SMG9: variants seen among roughly 807,000 people sequenced by gnomAD.
SMG9 encodes the protein nonsense-mediated mRNA decay factor SMG9.
In SMG9, 55 loss-of-function variants were observed where a neutral mutation model predicts 64.0. The ratio of observed to expected loss-of-function variants is 0.86; its 90% CI spans 0.69 to 1.08. The LOEUF is 1.08. Among genes scored for constraint, SMG9 ranks in the 50% least tolerant of loss-of-function variants. SMG9 has a pLI of 0.00. For synonymous variants in SMG9, 244 were observed against 254.8 expected (o/e 0.96, Z 0.41); for missense variants, 554 against 681.3 (o/e 0.81, Z 2.08).
chr19:43,728,894 T>C lies in SMG9; in HGVS notation c.*2702A>G. On this transcript the variant is annotated 3_prime_UTR_variant, in exon 14 of 14. Transcript: ENST00000270066. ...ATTGAAAAGCGTGAGTTCCACCTGC[T>C]GGGAATGATGAAGGGACTGGAGAGC... 2.8e-6 allele frequency: 2 copies of C among 714,806 alleles called. No homozygotes were observed. Among genetic ancestry groups the C allele is most frequent in the Non-Finnish European group, 3.4e-6 (2 of 582,750 alleles). The allele number at this position is 714,806 out of a possible 1,614,324, so 44.3% of individuals were successfully genotyped here.
Position 43,747,759 on chromosome 19 carries a change from T to C in SMG9, c.364A>G (p.Thr122Ala). The C allele has an allele frequency of 6.2e-7, 1 of 1,609,318 alleles. No individual in the cohort carries two copies. The highest frequency in any genetic ancestry group is 1.1e-5 in the South Asian group (1 of 90,470). ...GGGGCTGCAGGGGGTGGTGGGGCGGTGCCCTCAGGGGTAGAGGCACCTGTC... is the reference window on the plus strand; with the variant it reads ...GGGGCTGCAGGGGGTGGTGGGGCGGCGCCCTCAGGGGTAGAGGCACCTGTC... ...AVTGASTPEG[T>A]APPPPAAPAP... The change falls in exon 4 of 14, where the codon ACC becomes GCC. Residue 122 changes from threonine (T) to alanine (A), a missense_variant. Physicochemically the swap from Thr to Ala is moderately conservative, Grantham distance 58. Coordinates refer to ENST00000270066, the MANE Select transcript of SMG9 (RefSeq NM_019108.4).
In SMG9 at chr19:43,728,309, G is replaced by A. The variant is rs1968365866; in HGVS notation, c.*3287C>T. The A allele has an allele frequency of 6.6e-6, 1 of 152,096 alleles. No individual in the cohort carries two copies. The highest frequency in any genetic ancestry group is 1.5e-5 in the Non-Finnish European group (1 of 68,182). The allele number at this position is 152,096 out of a possible 1,614,324, so 9.4% of individuals were successfully genotyped here. A position where few individuals can be genotyped will look rare whatever the true frequency, so the allele number is the denominator to read the frequency against. On this transcript the variant is annotated 3_prime_UTR_variant, in exon 14 of 14. Coordinates refer to ENST00000270066, the MANE Select transcript of SMG9 (RefSeq NM_019108.4). ...TTGTAAGAGCTCGTGGTTTCAAAGT[G>A]TGTGCCACCTGCCCCCTCTTGCTCC... is the stretch of plus-strand genomic sequence containing the variant.
At chr19:43,750,864 G>T in intron 1 of SMG9, 117 bp from the exon 2 acceptor site, 3 of 960,046 alleles carry the variant, frequency 3.1e-6, no homozygotes, top group Non-Finnish European at 3.0e-6. Context: ...TCTCTCTGTC[G>T]CCCAGGCTGG....
intron 6 of SMG9, among the ~76,000 whole-genome samples, chr19:43,742,810 G>T (rs941368822): frequency 1.3e-5 from 2 of 152,132 alleles, no homozygotes; most frequent in African/African-American, 2.4e-5. Flanking sequence ...TAGCAGGAAG[G>T]CCAGGCACGG....
intron 1 of SMG9, among the ~76,000 whole-genome samples, chr19:43,752,152 G>C (rs896448349): frequency 6.6e-6 from 1 of 152,196 alleles, no homozygotes; most frequent in Non-Finnish European, 1.5e-5. Flanking sequence ...CTACATTTCA[G>C]TGTCTGTCTG....
At chr19:43,740,372 G>A (rs1002963897) in intron 6 of SMG9, among the ~76,000 whole-genome samples, 154 bp from the exon 7 acceptor site, 5 of 152,026 alleles carry the variant, frequency 3.3e-5, no homozygotes, top group East Asian at 3.9e-4. Flanking sequence ...GGTGGGAGGC[G>A]GGGGTAGTGC....
chr19:43,753,481 G>C (rs1262618174), intron 1 of SMG9, among the ~76,000 whole-genome samples: 1 of 40,274 alleles, frequency 2.5e-5, no homozygotes, highest in African/African-American at 1.0e-4. Context: ...TTTTTTTTTT[G>C]AGACGGTCTT....
rs1467381980 is a variant in SMG9 at position 43,734,477 on chromosome 19, C to G, written c.1014G>C (p.Glu338Asp). Residue 338 changes from glutamate to aspartate, a missense_variant, in exon 10 of 14, where the codon GAG becomes GAC. Transcript: ENST00000270066. Reference protein sequence around the residue: ...LSLYRFLQTAEMVKPSTPSPS... With the variant: ...LSLYRFLQTADMVKPSTPSPS... ...GGGATGGGGTGGAGGGCTTCACCAT[C>G]TCTGCTGTCTGCAGGAACCTTGGGG... 30 of 1,558,942 alleles carry G rather than the reference C, an allele frequency of 1.9e-5. No homozygotes were observed. The highest frequency in any genetic ancestry group is 2.5e-5 in the Non-Finnish European group (29 of 1,151,018).
rs576685510 is a variant in SMG9, at chr19:43,731,299, C to T, written c.*297G>A. 6.1e-5 allele frequency: 72 copies of T among 1,187,426 alleles called. 1 individual carries two copies. The highest frequency in any genetic ancestry group is 1.3e-4 in the Admixed American group (3 of 23,108). The allele number at this position is 1,187,426 out of a possible 1,614,324, so 73.6% of individuals were successfully genotyped here. On this transcript the variant is annotated 3_prime_UTR_variant, in exon 14 of 14. Transcript: ENST00000270066. ...TGAAAAAGGAGGTCAAGATGGAGCC[C>T]GGGCTTCCTGGTGACCATTCAGACT...
chr19:43,744,596 C>A (rs899929698), intron 6 of SMG9, among the ~76,000 whole-genome samples, 176 bp downstream of exon 6: 1 of 152,128 alleles, frequency 6.6e-6, no homozygotes, highest in African/African-American at 2.4e-5. Context: ...CTTGGAGCTA[C>A]ACAGATTTAG....
intron 7 of SMG9, among the ~76,000 whole-genome samples, chr19:43,738,802 G>A (rs1600197839): frequency 1.3e-5 from 2 of 152,208 alleles, no homozygotes; most frequent in East Asian, 3.8e-4. Flanking sequence ...ATTGAGCAGT[G>A]CTCTATTCTG....
intron 6 of SMG9, 150 bp from the exon 7 acceptor site, chr19:43,740,368 A>C: frequency 1.8e-6 from 1 of 561,358 alleles, no homozygotes. Flanking sequence ...AGGGGGTGGG[A>C]GGCGGGGGTA....
At chr19:43,732,762 G>A (rs1968523385) in intron 13 of SMG9, 96 bp downstream of exon 13, 2 of 1,452,342 alleles carry the variant, frequency 1.4e-6, no homozygotes, top group Non-Finnish European at 1.9e-6. Flanking sequence ...TGGAGAGGAG[G>A]GGCTTCACAA....
Position 43,733,784 on chromosome 19 carries a change from T to C in SMG9, c.1103-51A>G, listed in dbSNP as rs1001190658. ...GTCAGGCAGACATCGCTTGGCTTCA[T>C]GGACTCCCCTTTCTCACCCCAAAGA... is the stretch of plus-strand genomic sequence containing the variant. On this transcript the variant is annotated intron_variant, in intron 10 of 13. Coordinates refer to ENST00000270066, the MANE Select transcript of SMG9 (RefSeq NM_019108.4). 9 of 1,396,636 alleles carry C rather than the reference T, an allele frequency of 6.4e-6. No homozygotes were observed. The African/African-American group carries it at 1.1e-4, about 18-fold the overall frequency. The allele number at this position is 1,396,636 out of a possible 1,614,324, so 86.5% of individuals were successfully genotyped here.
intron 1 of SMG9, among the ~76,000 whole-genome samples, chr19:43,753,501 C>T (rs2032483302): frequency 7.1e-6 from 1 of 140,440 alleles, no homozygotes; most frequent in African/African-American, 2.7e-5. Flanking sequence ...TGCTCTGTTG[C>T]CCAGGCTGGA....
intron 1 of SMG9, among the ~76,000 whole-genome samples, chr19:43,754,035 T>G (rs1428114395): frequency 6.6e-6 from 1 of 152,116 alleles, no homozygotes; most frequent in Non-Finnish European, 1.5e-5. Context: ...TGTCTGCTGA[T>G]GGACTTCTAG....
intron 10 of SMG9, 66 bp from the exon 11 acceptor site, chr19:43,733,799 C>T (rs1213018348): frequency 2.5e-6 from 3 of 1,180,316 alleles, no homozygotes; most frequent in African/African-American, 1.5e-5. Context: ...TCCCCTTTCT[C>T]ACCCCAAAGA....
At chr19:43,733,249 G>T in intron 12 of SMG9, 75 bp downstream of exon 12, 1 of 1,562,844 alleles carries the variant, frequency 6.4e-7, no homozygotes, top group South Asian at 1.2e-5. Flanking sequence ...TCGCCTCCTA[G>T]ACCAGTGGGT....
rs780887746 is a variant in SMG9, at chr19:43,731,575, A to C, written c.*21T>G. On this transcript the variant is annotated 3_prime_UTR_variant, in exon 14 of 14. Coordinates refer to ENST00000270066, the MANE Select transcript of SMG9 (RefSeq NM_019108.4). Reference sequence around the variant, plus strand: ...ACTGCGGACCCAGGAGGTCCCCTGCATGACATTCCTCTCCTTGGCCTCAGG... The same window carrying C: ...ACTGCGGACCCAGGAGGTCCCCTGCCTGACATTCCTCTCCTTGGCCTCAGG... The C allele has an allele frequency of 6.2e-7, 1 of 1,614,140 alleles. No individual in the cohort carries two copies. Among genetic ancestry groups the C allele is most frequent in the Non-Finnish European group, 8.5e-7 (1 of 1,180,004 alleles).
Sources: gnomAD v4.1 joint callset for allele counts (sites outside exome capture counted in the v4.1 genomes callset) on GRCh38, gnomAD v4.1.1 for gene constraint, MANE v1.5 for transcripts, NCBI Gene and HGNC (gene_info 2026-07-23, HGNC 2026-07-21) for gene names.